Variants in CHAF1A observed in about 807,000 individuals in gnomAD.
The protein encoded by CHAF1A is CAF-1 subunit A.
A neutral mutation model predicts 93.2 loss-of-function variants in CHAF1A; 5 were observed. The ratio of observed to expected loss-of-function variants is 0.05; its 90% CI spans 0.03 to 0.11. The LOEUF (loss-of-function observed/expected upper bound fraction) is 0.11, where lower values mean the gene tolerates loss of function less well. Ranked by LOEUF, CHAF1A falls within the 10% of genes least tolerant of loss-of-function variation. CHAF1A has a pLI of 1.00. For synonymous variants in CHAF1A, 504 were observed against 510.3 expected, an observed-to-expected ratio of 0.99 and a Z score of 0.17; for missense variants, 1,102 against 1,259.9, an observed-to-expected ratio of 0.87 and a Z score of 1.90.
downstream of CHAF1A, chr19:4,449,413 T>C (rs2077444): frequency 0.36 from 54,480 of 152,262 alleles, 10,158 homozygotes; most frequent in Non-Finnish European, 0.42. Context: ...ACCTACACAC[T>C]GAGCCGGGGC....
At chr19:4,417,740 C>T (rs536020839) in intron 3 of CHAF1A, among the ~76,000 whole-genome samples, 265 of 152,266 alleles carry the variant, frequency 1.7e-3, no homozygotes, top group African/African-American at 6.1e-3. Flanking sequence ...GAATTACAGG[C>T]GTTAGCCACC....
chr19:4,419,577 G>A (rs1193252054), intron 4 of CHAF1A, among the ~76,000 whole-genome samples: 2 of 151,868 alleles, frequency 1.3e-5, no homozygotes, highest in Non-Finnish European at 2.9e-5. Context: ...TTATAGGCAC[G>A]AGCCACCACG....
chr19:4,434,258 A>T (rs1974242123), intron 13 of CHAF1A, among the ~76,000 whole-genome samples: 1 of 152,134 alleles, frequency 6.6e-6, no homozygotes, highest in East Asian at 1.9e-4. Context: ...AGGCGGGAGG[A>T]TTACTGGAGC....
chr19:4,441,217 C>T (rs368894268), intron 13 of CHAF1A, among the ~76,000 whole-genome samples: 129 of 150,126 alleles, frequency 8.6e-4, no homozygotes, highest in Admixed American at 5.2e-3. Flanking sequence ...CTCAGGAGGC[C>T]GAGGCAGGAG....
chr19:4,445,828 G>A (rs953962629), downstream of CHAF1A: 163 of 1,046,520 alleles, frequency 1.6e-4, no homozygotes, highest in Admixed American at 2.3e-4. Flanking sequence ...GCTAACGCAC[G>A]TCACCGCTCC....
chr19:4,432,101 T>C lies in CHAF1A; in HGVS notation c.2097T>C (p.Asp699=). 1.9e-6 allele frequency: 3 copies of C among 1,613,964 alleles called. No homozygotes were observed. The highest frequency in any genetic ancestry group is 2.5e-6 in the Non-Finnish European group (3 of 1,180,016). The part of the protein sequence containing the change: ...VWAADRDCAG[D]DLKVLQQFAA... Reference sequence around the variant, plus strand: ...CGGCTGACAGAGACTGCGCAGGCGATGACCTGAAGGTACTGCAGCAGTTCG... The same window carrying C: ...CGGCTGACAGAGACTGCGCAGGCGACGACCTGAAGGTACTGCAGCAGTTCG... Residue 699 remains aspartate, a synonymous_variant, in exon 12 of 15, where the codon GAT becomes GAC. Coordinates refer to ENST00000301280, the MANE Select transcript of CHAF1A (RefSeq NM_005483.3).
chr19:4,448,228 T>G, downstream of CHAF1A: 6 of 1,192,668 alleles, frequency 5.0e-6, no homozygotes, highest in Non-Finnish European at 7.2e-6. Flanking sequence ...CAGCAGGTAA[T>G]GAGGGGGCCA....
chr19:4,434,422 G>C (rs1269919730), intron 13 of CHAF1A, among the ~76,000 whole-genome samples: 1 of 152,166 alleles, frequency 6.6e-6, no homozygotes, highest in Admixed American at 6.6e-5. Flanking sequence ...TGAGGGTTCT[G>C]TGATTTGAAT....
At chr19:4,445,152 C>T (rs149240636), downstream of CHAF1A, 257 of 274,352 alleles carry the variant, frequency 9.4e-4, 2 homozygotes, top group African/African-American at 5.3e-3. Flanking sequence ...CCACGGCACA[C>T]GGGAACAGGA....
intron 2 of CHAF1A, 78 bp from the exon 3 acceptor site, chr19:4,408,825 C>G: frequency 2.6e-6 from 4 of 1,509,714 alleles, no homozygotes; most frequent in Non-Finnish European, 3.6e-6. Flanking sequence ...CATGTCCCAA[C>G]AAATCAGTAA....
chr19:4,428,936 G>C, intron 8 of CHAF1A, 46 bp downstream of exon 8: 1 of 1,522,150 alleles, frequency 6.6e-7, no homozygotes, highest in South Asian at 1.1e-5. Context: ...TGATGCTGGA[G>C]GCCAGCATCC....
At chr19:4,447,263 A>C, downstream of CHAF1A, 1 of 571,032 alleles carries the variant, frequency 1.8e-6, no homozygotes, top group East Asian at 2.9e-5. Context: ...TTTGCATGAG[A>C]AACCTCCCCA....
At position 4,442,989 on chromosome 19, in the gene CHAF1A, G is replaced by A. The variant is rs1173901328; in HGVS notation, c.2835G>A (p.Lys945=). ...GTGGTGTGGGGGTGGACACCGGCAA[G>A]GCCACCCTGACCGCGAGCCCACTGG... ...AGGGVGVDTG[K]ATLTASPLGA... Residue 945 remains lysine, a synonymous_variant, in exon 15 of 15, where the codon AAG becomes AAA. Coordinates refer to ENST00000301280, the MANE Select transcript of CHAF1A (RefSeq NM_005483.3). 6.2e-7 allele frequency: 1 copy of A among 1,602,766 alleles called. No homozygotes were observed. The highest frequency in any genetic ancestry group is 1.3e-5 in the African/African-American group (1 of 74,856).
chr19:4,445,894 T>TGCC (rs1974500370), downstream of CHAF1A: 1 of 1,284,932 alleles, frequency 7.8e-7, no homozygotes. Flanking sequence ...GAGGCCCTGC[T>TGCC]GCCAGTAAGT....
chr19:4,403,707 C>A (rs1350145859), intron 1 of CHAF1A, among the ~76,000 whole-genome samples: 1 of 152,250 alleles, frequency 6.6e-6, no homozygotes, highest in Non-Finnish European at 1.5e-5. Context: ...AATACCATTG[C>A]CCTGTGTCCC....
Position 4,422,699 on chromosome 19 carries a change from AGGAGAGGCG to A in CHAF1A, c.1157_1165del (p.Arg386_Glu388del). On this transcript the variant is annotated inframe_deletion, in exon 5 of 15. Transcript: ENST00000301280. This position sits in a 1 kb window ranked among gnomAD's most constrained non-coding sequence, Gnocchi z 4.6. ...GAGGAAGAGAAGGAGCTTAAGGAAA[AGGAGAGGCG>A]GGAGAAGCGGGAGAAGGATGAGAAG... is the stretch of plus-strand genomic sequence containing the variant. 1.9e-6 allele frequency: 3 copies of A among 1,612,982 alleles called. No individual in the cohort carries two copies. The highest frequency in any genetic ancestry group is 2.2e-5 in the East Asian group (1 of 44,854).
downstream of CHAF1A, chr19:4,448,466 G>T (rs376520962): frequency 6.8e-7 from 1 of 1,460,210 alleles, no homozygotes. Flanking sequence ...CGGGCCGCAC[G>T]GCCCTCCGCT....
At chr19:4,431,020 C>T (rs1021373068) in intron 11 of CHAF1A, 1 of 204,940 alleles carries the variant, frequency 4.9e-6, no homozygotes, top group Non-Finnish European at 1.0e-5. Context: ...GGGCAACCAC[C>T]GCCCGAAATA....
chr19:4,419,523 G>A (rs1270154629), intron 4 of CHAF1A, among the ~76,000 whole-genome samples: 6 of 152,032 alleles, frequency 3.9e-5, no homozygotes, highest in African/African-American at 1.2e-4. Flanking sequence ...TCTACCTCCC[G>A]GGTTCAAGCG....
Sources: gnomAD v4.1 joint callset for allele counts (sites outside exome capture counted in the v4.1 genomes callset) on GRCh38, gnomAD v4.1.1 for gene constraint, Gnocchi (gnomAD v3.1) non-coding constraint, MANE v1.5 for transcripts, NCBI Gene and HGNC (gene_info 2026-07-23, HGNC 2026-07-21) for gene names.